LRPPRC: variants seen among roughly 807,000 people sequenced by gnomAD.
The protein encoded by LRPPRC is leucine rich pentatricopeptide repeat containing.
Under a neutral mutation model 180.3 loss-of-function variants are expected in LRPPRC, and 120 were observed. The ratio of observed to expected loss-of-function variants is 0.67; its 90% CI spans 0.57 to 0.77. The LOEUF is 0.77. Among genes scored for constraint, LRPPRC ranks in the 30% least tolerant of loss-of-function variants. LRPPRC has a pLI of 0.00. For synonymous variants in LRPPRC, 723 were observed against 600.0 expected (o/e 1.21, Z -3.00); for missense variants, 2,012 against 1,657.2 (o/e 1.21, Z -3.72).
At position 43,995,869 on chromosome 2, in the gene LRPPRC, G is replaced by C. The variant is rs116727742; in HGVS notation, c.79C>G (p.Leu27Val). The change falls in exon 1 of 38, where the codon CTC becomes GTC. Residue 27 changes from leucine to valine, a missense_variant. Transcript: ENST00000260665. The stretch of plus-strand genomic sequence containing the variant: ...TGCAGCCGGCCCGGGCCGCCAGGGA[G>C]GAGGCGCAGGGAGAGCGGGAGGCGC... ...APRLPLSLRLLPGGPGRLHAA... is the reference protein window; with the variant it reads ...APRLPLSLRLVPGGPGRLHAA... 82 of 1,494,480 alleles carry C rather than the reference G, an allele frequency of 5.5e-5. 1 individual carries two copies. In the South Asian group the frequency reaches 9.9e-4, roughly 18 times the overall value. The allele number at this position is 1,494,480 out of a possible 1,614,324, so 92.6% of individuals were successfully genotyped here.
At chr2:43,918,949 T>C (rs1671594429) in intron 27 of LRPPRC, among the ~76,000 whole-genome samples, 1 of 151,940 alleles carries the variant, frequency 6.6e-6, no homozygotes, top group Non-Finnish European at 1.5e-5. Context: ...TCTGTGATTG[T>C]ATGCAGTGCA....
At chr2:43,982,652 C>T (rs773190711) in intron 1 of LRPPRC, among the ~76,000 whole-genome samples, 12 of 152,116 alleles carry the variant, frequency 7.9e-5, no homozygotes, top group Non-Finnish European at 1.8e-4. Context: ...AGTAAATCTC[C>T]TGAATAATTG....
chr2:43,937,051 A>C (rs1672302821), intron 23 of LRPPRC, among the ~76,000 whole-genome samples: 1 of 152,160 alleles, frequency 6.6e-6, no homozygotes, highest in African/African-American at 2.4e-5. Flanking sequence ...TCAATTCCCA[A>C]ACTAGAATAG....
chr2:43,976,960 T>C, intron 5 of LRPPRC, 34 bp downstream of exon 5: 4 of 1,561,340 alleles, frequency 2.6e-6, no homozygotes, highest in Non-Finnish European at 3.5e-6. Flanking sequence ...ATGTACAAAT[T>C]TGTTCGCTTA....
chr2:43,952,918 G>A lies in LRPPRC; in HGVS notation c.1650-2318C>T, dbSNP rs147188190. On this transcript the variant is annotated intron_variant, in intron 14 of 37. Transcript: ENST00000260665. Reference sequence around the variant, plus strand: ...CATCATGTAAACCTTTCAATGGCTCGAAGCCATGTGACTCAAGGTCCAAAT... The same window carrying A: ...CATCATGTAAACCTTTCAATGGCTCAAAGCCATGTGACTCAAGGTCCAAAT... 1.3e-3 allele frequency among the ~76,000 whole-genome samples: 199 copies of A among 152,154 alleles called. 4 individuals carry two copies. The highest frequency in any genetic ancestry group is 2.5e-3 in the Non-Finnish European group (171 of 68,006).
chr2:43,892,530 T>C (rs1208482145), intron 36 of LRPPRC, among the ~76,000 whole-genome samples: 1 of 152,168 alleles, frequency 6.6e-6, no homozygotes, highest in Non-Finnish European at 1.5e-5. Context: ...AAGATTCCTT[T>C]CAAAATATTA....
intron 14 of LRPPRC, 36 bp from the exon 15 acceptor site, chr2:43,950,636 G>A (rs748884301): frequency 1.3e-6 from 2 of 1,558,592 alleles, no homozygotes; most frequent in African/African-American, 1.4e-5. Context: ...AATAAACCCA[G>A]GTTTATTTTC....
At chr2:43,988,951 C>T (rs1017032920) in intron 1 of LRPPRC, among the ~76,000 whole-genome samples, 1 of 152,088 alleles carries the variant, frequency 6.6e-6, no homozygotes. Context: ...CTCACTGCAG[C>T]TTTGAACTCC....
Position 43,974,770 on chromosome 2 carries a change from T to C in LRPPRC, c.865-12A>G. The C allele has an allele frequency of 5.0e-6, 8 of 1,612,166 alleles. No individual in the cohort carries two copies. Among genetic ancestry groups the C allele is most frequent in the Non-Finnish European group, 6.8e-6 (8 of 1,178,380 alleles). On this transcript the variant is annotated splice_polypyrimidine_tract_variant and intron_variant, in intron 7 of 37. Coordinates refer to ENST00000260665, the MANE Select transcript of LRPPRC (RefSeq NM_133259.4). ...ACCTTCTCCAGAGTCTATAGAGAGT[T>C]CCAGAAATTAGAAGACAAAGTTAGA...
intron 14 of LRPPRC, among the ~76,000 whole-genome samples, chr2:43,953,612 A>T (rs1011077398): frequency 3.3e-5 from 5 of 152,228 alleles, no homozygotes; most frequent in Non-Finnish European, 7.3e-5. Context: ...AGATGCTAAC[A>T]AACAGGGAAA....
At chr2:43,934,019 A>C (rs190273193) in intron 25 of LRPPRC, among the ~76,000 whole-genome samples, 171 bp downstream of exon 25, 9 of 152,318 alleles carry the variant, frequency 5.9e-5, no homozygotes, top group Non-Finnish European at 1.2e-4. Flanking sequence ...TCTGAACTGT[A>C]ATTATATACA....
At chr2:43,966,493 C>A (rs934389938) in intron 11 of LRPPRC, among the ~76,000 whole-genome samples, 9 of 151,878 alleles carry the variant, frequency 5.9e-5, no homozygotes, top group Non-Finnish European at 1.0e-4. Context: ...TCACAGCAAC[C>A]TCCACCTCCT....
At chr2:43,956,112 C>A (rs1347211467) in intron 14 of LRPPRC, among the ~76,000 whole-genome samples, 1 of 148,948 alleles carries the variant, frequency 6.7e-6, no homozygotes, top group African/African-American at 2.5e-5. Flanking sequence ...GTAGAAGAGA[C>A]ATTCCAGCCT....
intron 32 of LRPPRC, among the ~76,000 whole-genome samples, 155 bp downstream of exon 32, chr2:43,901,165 A>G (rs1670869111): frequency 6.6e-6 from 1 of 152,216 alleles, no homozygotes; most frequent in Admixed American, 6.5e-5. Flanking sequence ...CATATTTTTC[A>G]ACATATAATT....
intron 27 of LRPPRC, among the ~76,000 whole-genome samples, chr2:43,922,137 A>G (rs911145978): frequency 3.9e-5 from 6 of 152,236 alleles, no homozygotes; most frequent in African/African-American, 1.4e-4. Context: ...AAAGGTCACA[A>G]TATATTGGGA....
At chr2:43,990,197 T>G (rs1177069273) in intron 1 of LRPPRC, among the ~76,000 whole-genome samples, 1 of 152,032 alleles carries the variant, frequency 6.6e-6, no homozygotes, top group African/African-American at 2.4e-5. Context: ...CCAGCCTGGG[T>G]GGCAGAGCGA....
At chr2:43,905,132 C>A (rs1372318079) in intron 31 of LRPPRC, among the ~76,000 whole-genome samples, 2 of 152,178 alleles carry the variant, frequency 1.3e-5, no homozygotes, top group Non-Finnish European at 2.9e-5. Context: ...AAACTTCAAA[C>A]AAACACTGTA....
At chr2:43,929,146 C>A (rs958656736) in intron 25 of LRPPRC, among the ~76,000 whole-genome samples, 1 of 152,212 alleles carries the variant, frequency 6.6e-6, no homozygotes, top group Non-Finnish European at 1.5e-5. Context: ...GCAACCAGAA[C>A]TGCAGACCTC....
At chr2:43,957,711 C>A (rs1351990744) in intron 13 of LRPPRC, among the ~76,000 whole-genome samples, 1 of 152,046 alleles carries the variant, frequency 6.6e-6, no homozygotes, top group Non-Finnish European at 1.5e-5. Context: ...CTATAAATGG[C>A]AATTACTAAC....
Sources: allele counts gnomAD v4.1 joint callset (sites outside exome capture counted in the v4.1 genomes callset), GRCh38; gene constraint gnomAD v4.1.1; transcripts MANE v1.5; gene names NCBI Gene and HGNC (gene_info 2026-07-23, HGNC 2026-07-21).